Variants in DIP2C observed in about 807,000 individuals in gnomAD.
The protein encoded by DIP2C is DIP2 acetate--CoA ligase C (putative).
A neutral mutation model predicts 192.4 loss-of-function variants in DIP2C; 33 were observed. The ratio of observed to expected loss-of-function variants is 0.17; its 90% CI spans 0.13 to 0.23. The LOEUF is 0.23. Ranked by LOEUF, DIP2C falls within the 10% of genes least tolerant of loss-of-function variation. The pLI, the probability that DIP2C is intolerant of heterozygous loss-of-function variation, is 1.00. For synonymous variants in DIP2C, 979 were observed against 864.1 expected, an observed-to-expected ratio of 1.13 and a Z score of -2.33; for missense variants, 1,537 against 2,110.1, an observed-to-expected ratio of 0.73 and a Z score of 5.32.
chr10:536,826 A>T (rs566790327), intron 1 of DIP2C, among the ~76,000 whole-genome samples: 230 of 152,314 alleles, frequency 1.5e-3, no homozygotes, highest in Non-Finnish European at 2.1e-3. Context: ...TCCAAAGGGA[A>T]AAGGCAGTCA....
intron 1 of DIP2C, among the ~76,000 whole-genome samples, chr10:671,554 C>T (rs980099030): frequency 1.3e-5 from 1 of 79,042 alleles, no homozygotes; most frequent in Admixed American, 1.6e-4. Flanking sequence ...GACGCACGGA[C>T]GGAGGAAACG....
chr10:384,184 C>A (rs373291471), intron 15 of DIP2C, 38 bp from the exon 16 acceptor site: 64 of 1,602,730 alleles, frequency 4.0e-5, no homozygotes, highest in Non-Finnish European at 5.2e-5. Flanking sequence ...CATGTGCCAC[C>A]GTCAGATCGT....
At chr10:297,605 T>A (rs1415234087) in intron 32 of DIP2C, among the ~76,000 whole-genome samples, 1 of 152,178 alleles carries the variant, frequency 6.6e-6, no homozygotes, top group Non-Finnish European at 1.5e-5. Flanking sequence ...CTCACTCATA[T>A]GTGGAAGCTA....
chr10:585,098 AAG>A (rs1237928009), intron 1 of DIP2C, among the ~76,000 whole-genome samples: 3 of 152,228 alleles, frequency 2.0e-5, no homozygotes, highest in Non-Finnish European at 4.4e-5. Context: ...CTCCAGCAGA[AAG>A]AGCCTTGGAC....
intron 32 of DIP2C, among the ~76,000 whole-genome samples, chr10:307,927 TG>T (rs1956400023): frequency 7.5e-6 from 1 of 133,214 alleles, no homozygotes; most frequent in South Asian, 2.5e-4. Flanking sequence ...AGGGAGGCTT[TG>T]GGGGTGCCTG....
At chr10:479,516 A>G (rs1345179902) in intron 2 of DIP2C, among the ~76,000 whole-genome samples, 1 of 151,832 alleles carries the variant, frequency 6.6e-6, no homozygotes, top group East Asian at 1.9e-4. Context: ...AATATTTTTT[A>G]GTAGAGATGG....
chr10:523,589 G>A (rs1359894601), intron 1 of DIP2C, among the ~76,000 whole-genome samples: 1 of 147,524 alleles, frequency 6.8e-6, no homozygotes, highest in African/African-American at 2.5e-5. Context: ...GTTTCCACAT[G>A]ACACAAAGGA....
chr10:378,526 CACAA>C (rs916630681), intron 17 of DIP2C, among the ~76,000 whole-genome samples: 5 of 148,828 alleles, frequency 3.4e-5, no homozygotes, highest in Middle Eastern at 3.6e-3. Context: ...AACACACATG[CACAA>C]AGACACATGT....
chr10:476,730 ATC>A (rs1427443779), intron 2 of DIP2C, among the ~76,000 whole-genome samples: 1 of 152,340 alleles, frequency 6.6e-6, no homozygotes, highest in East Asian at 1.9e-4. Context: ...CAGAGCCTCA[ATC>A]TCTGTTACAA....
chr10:611,518 G>T lies in DIP2C; in HGVS notation c.85+77976C>A, dbSNP rs554371556. ...TTCCCCATCTCTGGCAAACCAGATG[G>T]GGCATCCTATTTGTCTCTTACCACC... On this transcript the variant is annotated intron_variant, in intron 1 of 36. Coordinates refer to ENST00000280886, the MANE Select transcript of DIP2C (RefSeq NM_014974.3). Among the ~76,000 whole-genome samples, 7 of 152,250 alleles carry T rather than the reference G, an allele frequency of 4.6e-5. No individual in the cohort carries two copies. The South Asian group carries it at 1.4e-3, about 32-fold the overall frequency.
chr10:293,435 T>C (rs1416045233), intron 32 of DIP2C, among the ~76,000 whole-genome samples: 2 of 152,240 alleles, frequency 1.3e-5, no homozygotes, highest in African/African-American at 2.4e-5. Flanking sequence ...TTTTACTTAA[T>C]ATTTTAAACT....
intron 1 of DIP2C, among the ~76,000 whole-genome samples, chr10:536,248 T>C (rs1223328652): frequency 6.6e-6 from 1 of 152,208 alleles, no homozygotes; most frequent in East Asian, 1.9e-4. Flanking sequence ...CTTTTCTCTG[T>C]GTCTCAAATT....
At chr10:610,723 C>T (rs537596415) in intron 1 of DIP2C, among the ~76,000 whole-genome samples, 3 of 137,866 alleles carry the variant, frequency 2.2e-5, no homozygotes, top group Non-Finnish European at 4.7e-5. Context: ...CCCTGGTGGG[C>T]GGTGACTGAC....
intron 10 of DIP2C, 98 bp downstream of exon 10, chr10:399,011 C>T (rs1300274080): frequency 1.9e-6 from 2 of 1,031,704 alleles, no homozygotes; most frequent in Admixed American, 2.0e-5. Flanking sequence ...AAACCCAGGG[C>T]CCCAGAAACA....
At chr10:431,260 T>G (rs1432529922) in intron 4 of DIP2C, among the ~76,000 whole-genome samples, 1 of 152,160 alleles carries the variant, frequency 6.6e-6, no homozygotes, top group African/African-American at 2.4e-5. Context: ...CGTTCGGATG[T>G]TGGTTGGGAC....
At chr10:334,319 A>AAAG (rs1352509739) in intron 29 of DIP2C, among the ~76,000 whole-genome samples, 15 of 151,406 alleles carry the variant, frequency 9.9e-5, no homozygotes, top group East Asian at 5.8e-4. Context: ...AAAAAAAAAA[A>AAAG]AAAAAAGAAA....
chr10:502,840 C>T (rs1845334257), intron 1 of DIP2C, among the ~76,000 whole-genome samples: 1 of 152,102 alleles, frequency 6.6e-6, no homozygotes, highest in Non-Finnish European at 1.5e-5. Context: ...CTCAACTGAG[C>T]CACGAGTCCA....
chr10:287,710 ATATC>A (rs2132175804), intron 33 of DIP2C, among the ~76,000 whole-genome samples: 1 of 151,686 alleles, frequency 6.6e-6, no homozygotes, highest in East Asian at 1.9e-4. Flanking sequence ...AGGTGTTTAA[ATATC>A]TTTCTTGCCC....
chr10:489,289 T>C (rs933929122), intron 1 of DIP2C, among the ~76,000 whole-genome samples: 4 of 152,234 alleles, frequency 2.6e-5, no homozygotes, highest in African/African-American at 9.6e-5. Flanking sequence ...GCAAACCTTC[T>C]AGCAGCACTT....
Sources: gnomAD v4.1 joint callset for allele counts (sites outside exome capture counted in the v4.1 genomes callset) on GRCh38, gnomAD v4.1.1 for gene constraint, MANE v1.5 for transcripts, NCBI Gene and HGNC (gene_info 2026-07-23, HGNC 2026-07-21) for gene names.